INPP4B: variants seen among roughly 807,000 people sequenced by gnomAD.
INPP4B encodes inositol polyphosphate 4-phosphatase type II.
INPP4B carries 55 observed loss-of-function variants against 122.5 expected under a neutral mutation model. The ratio of observed to expected loss-of-function variants is 0.45; its 90% CI spans 0.36 to 0.56. The LOEUF is 0.56. Ranked by LOEUF, INPP4B falls within the 20% of genes least tolerant of loss-of-function variation. The pLI, the probability that INPP4B is intolerant of heterozygous loss-of-function variation, is 0.00. For missense variants in INPP4B, 1,000 were observed against 1,097.7 expected, an observed-to-expected ratio of 0.91 and a Z score of 1.26; for synonymous variants, 403 against 388.7, an observed-to-expected ratio of 1.04 and a Z score of -0.43.
At chr4:142,035,179 A>G (rs373899879) in intron 25 of INPP4B, among the ~76,000 whole-genome samples, 9 of 152,140 alleles carry the variant, frequency 5.9e-5, no homozygotes, top group African/African-American at 2.2e-4. Context: ...AATACGAGGG[A>G]TCTGGAGGCC....
chr4:142,297,920 A>C (rs1243764221), intron 9 of INPP4B, among the ~76,000 whole-genome samples: 2 of 152,210 alleles, frequency 1.3e-5, no homozygotes, highest in Non-Finnish European at 2.9e-5. Flanking sequence ...CAATGCTTGG[A>C]ACTTCACTAC....
At chr4:142,727,314 TG>T (rs1765461966) in intron 1 of INPP4B, among the ~76,000 whole-genome samples, 1 of 152,182 alleles carries the variant, frequency 6.6e-6, no homozygotes, top group South Asian at 2.1e-4. Flanking sequence ...TTAAAGCAAC[TG>T]GCCCTTATCT....
intron 15 of INPP4B, among the ~76,000 whole-genome samples, chr4:142,190,193 G>C (rs77921109): frequency 0.036 from 4,124 of 115,742 alleles, 78 homozygotes; most frequent in Non-Finnish European, 0.052. Flanking sequence ...TTATTTGTTT[G>C]TTTGTTTATT....
chr4:142,094,538 C>T (rs761942898), intron 23 of INPP4B, among the ~76,000 whole-genome samples: 1 of 152,182 alleles, frequency 6.6e-6, no homozygotes, highest in Non-Finnish European at 1.5e-5. Context: ...CAGTGTCTTA[C>T]CTCCCTGCCC....
intron 15 of INPP4B, among the ~76,000 whole-genome samples, chr4:142,179,199 G>T (rs868736680): frequency 1.3e-5 from 2 of 152,058 alleles, no homozygotes; most frequent in East Asian, 1.9e-4. Context: ...TGGGCTGGGC[G>T]CAGTGGCTCA....
intron 2 of INPP4B, among the ~76,000 whole-genome samples, chr4:142,685,980 A>T (rs1759291300): frequency 6.6e-6 from 1 of 152,106 alleles, no homozygotes; most frequent in South Asian, 2.1e-4. Flanking sequence ...TACAAATCAT[A>T]GGTTAACAAA....
chr4:142,530,387 G>A (rs1827449475), intron 2 of INPP4B, among the ~76,000 whole-genome samples: 2 of 151,940 alleles, frequency 1.3e-5, no homozygotes, highest in African/African-American at 4.8e-5. Flanking sequence ...TGTGAGGTAT[G>A]AGACACTATT....
chr4:142,439,030 T>C (rs1034724392), intron 3 of INPP4B, among the ~76,000 whole-genome samples: 6 of 152,208 alleles, frequency 3.9e-5, no homozygotes, highest in East Asian at 1.9e-4. Context: ...ACCACTCAGA[T>C]GTCTCATCAA....
intron 2 of INPP4B, among the ~76,000 whole-genome samples, chr4:142,618,615 G>T (rs1744198309): frequency 6.6e-6 from 1 of 151,894 alleles, no homozygotes; most frequent in African/African-American, 2.4e-5. Flanking sequence ...TTAAAAATAA[G>T]CCCAAACTAT....
intron 2 of INPP4B, among the ~76,000 whole-genome samples, chr4:142,464,873 AC>A (rs1258031095): frequency 6.6e-6 from 1 of 152,126 alleles, no homozygotes; most frequent in Non-Finnish European, 1.5e-5. Flanking sequence ...ATTCAAATCC[AC>A]CCAAATCTAA....
intron 2 of INPP4B, among the ~76,000 whole-genome samples, chr4:142,661,773 T>TAAGTTACAGATACTGC (rs1235290590): frequency 1.3e-5 from 2 of 152,212 alleles, no homozygotes; most frequent in African/African-American, 2.4e-5. Context: ...TTCTTCACTT[T>TAAGTTACAGATACTGC]AAGTTACAGA....
chr4:142,268,338 A>AAAAAAAAAT (rs1743964703), intron 10 of INPP4B, among the ~76,000 whole-genome samples: 1 of 142,368 alleles, frequency 7.0e-6, no homozygotes. Flanking sequence ...AAAAAAAAAA[A>AAAAAAAAAT]AAAAAAAATG....
intron 10 of INPP4B, among the ~76,000 whole-genome samples, chr4:142,268,855 A>C (rs1744332522): frequency 6.6e-6 from 1 of 152,160 alleles, no homozygotes. Context: ...TTGGGAACTG[A>C]AACACACAAA....
intron 25 of INPP4B, among the ~76,000 whole-genome samples, chr4:142,064,304 T>C (rs896224002): frequency 3.9e-5 from 6 of 152,208 alleles, no homozygotes; most frequent in Non-Finnish European, 8.8e-5. Context: ...TGTATGTATG[T>C]AGTCAAACCA....
intron 22 of INPP4B, among the ~76,000 whole-genome samples, chr4:142,111,710 A>G (rs114673741): frequency 6.6e-5 from 10 of 151,810 alleles, no homozygotes; most frequent in African/African-American, 2.4e-4. Context: ...GCCATGTAAG[A>G]TGTAAAAATA....
chr4:142,444,091 A>G (rs902663197), intron 3 of INPP4B, among the ~76,000 whole-genome samples: 10 of 152,098 alleles, frequency 6.6e-5, no homozygotes, highest in Non-Finnish European at 1.5e-4. Flanking sequence ...AAAGAATAAA[A>G]CCAAAATACT....
chr4:142,079,315 C>T (rs1257282527), intron 25 of INPP4B, among the ~76,000 whole-genome samples: 1 of 151,922 alleles, frequency 6.6e-6, no homozygotes, highest in African/African-American at 2.4e-5. Flanking sequence ...CACCTTTTAA[C>T]ACACCAATCA....
chr4:142,554,179 AC>A (rs1728598091), intron 2 of INPP4B, among the ~76,000 whole-genome samples: 1 of 130,658 alleles, frequency 7.7e-6, no homozygotes. Flanking sequence ...CAAGAGTGAA[AC>A]TCCATCTCAA....
At chr4:142,197,572 G>A (rs1561455265) in intron 14 of INPP4B, among the ~76,000 whole-genome samples, 4 of 151,930 alleles carry the variant, frequency 2.6e-5, no homozygotes, top group Admixed American at 1.3e-4. Context: ...ATTCTTCACT[G>A]GATATATGTT....
Sources: gnomAD v4.1 joint callset for allele counts (sites outside exome capture counted in the v4.1 genomes callset) on GRCh38, gnomAD v4.1.1 for gene constraint, MANE v1.5 for transcripts, NCBI Gene and HGNC (gene_info 2026-07-23, HGNC 2026-07-21) for gene names.